CCDC102B: variants seen among roughly 807,000 people sequenced by gnomAD.
The protein encoded by CCDC102B is coiled-coil domain containing 102B.
A neutral mutation model predicts 57.4 loss-of-function variants in CCDC102B; 75 were observed. That is an observed-to-expected ratio of 1.31 (90% CI 1.08 to 1.58). The LOEUF is 1.58. CCDC102B is among the 40% of genes most tolerant of loss of function. The pLI is 0.00. For synonymous variants in CCDC102B, 206 were observed against 201.9 expected (o/e 1.02, Z -0.17); for missense variants, 636 against 582.6 (o/e 1.09, Z -0.94).
intron 4 of CCDC102B, chr18:68,859,027 C>T (rs896664538): frequency 4.2e-4 from 64 of 152,362 alleles, no homozygotes; most frequent in African/African-American, 3.9e-4. Context: ...ATTCGTGAAG[C>T]GTTCCATATT....
intron 2 of CCDC102B, among the ~76,000 whole-genome samples, chr18:68,717,410 G>A (rs576184031): frequency 6.6e-6 from 1 of 152,076 alleles, no homozygotes; most frequent in Admixed American, 6.6e-5. Context: ...TTATAGCTTA[G>A]GTGTATTGAG....
At chr18:68,926,496 A>G (rs972714829) in intron 6 of CCDC102B, among the ~76,000 whole-genome samples, 1 of 151,818 alleles carries the variant, frequency 6.6e-6, no homozygotes, top group Non-Finnish European at 1.5e-5. Flanking sequence ...AAGGTATTTT[A>G]TAGGAGGCAG....
intron 6 of CCDC102B, among the ~76,000 whole-genome samples, chr18:68,902,013 G>A (rs2040472168): frequency 6.6e-6 from 1 of 152,130 alleles, no homozygotes; most frequent in African/African-American, 2.4e-5. Flanking sequence ...AGGCTTCCAG[G>A]TGACACTGAT....
chr18:68,885,596 A>G (rs1337625390), intron 5 of CCDC102B, among the ~76,000 whole-genome samples: 1 of 152,104 alleles, frequency 6.6e-6, no homozygotes, highest in Non-Finnish European at 1.5e-5. Flanking sequence ...ATGTAGGTAA[A>G]TGTTTAAAAT....
chr18:68,840,303 A>G (rs1167187318), intron 3 of CCDC102B, among the ~76,000 whole-genome samples: 2 of 152,152 alleles, frequency 1.3e-5, no homozygotes, highest in African/African-American at 4.8e-5. Context: ...CCTGGCTTGA[A>G]TGGACTGAAA....
At chr18:68,773,272 T>G (rs545928141) in intron 2 of CCDC102B, among the ~76,000 whole-genome samples, 2 of 152,110 alleles carry the variant, frequency 1.3e-5, no homozygotes, top group East Asian at 3.9e-4. Flanking sequence ...TAAGAATGTG[T>G]CTGAGTGAAA....
chr18:69,048,804 A>T (rs2052627300), intron 7 of CCDC102B, among the ~76,000 whole-genome samples: 1 of 152,094 alleles, frequency 6.6e-6, no homozygotes, highest in South Asian at 2.1e-4. Flanking sequence ...TCACTTTAAT[A>T]ACGCTGGTAT....
chr18:68,905,383 A>T (rs1453697256), intron 6 of CCDC102B, among the ~76,000 whole-genome samples: 1 of 150,654 alleles, frequency 6.6e-6, no homozygotes, highest in Non-Finnish European at 1.5e-5. Flanking sequence ...CACTATTGTT[A>T]CAAAGATTAT....
intron 5 of CCDC102B, among the ~76,000 whole-genome samples, chr18:68,882,552 A>C (rs563925593): frequency 2.0e-5 from 3 of 152,342 alleles, no homozygotes; most frequent in Admixed American, 2.0e-4. Context: ...GTTATTGTAA[A>C]CATGTAACCA....
chr18:68,752,534 TTG>T (rs748987253), intron 2 of CCDC102B, among the ~76,000 whole-genome samples: 6 of 151,694 alleles, frequency 4.0e-5, no homozygotes, highest in Non-Finnish European at 8.8e-5. Flanking sequence ...ATCATTTTGC[TTG>T]TGTTTCATTC....
chr18:68,835,262 ACT>A (rs1432811867), intron 1 of CCDC102B, among the ~76,000 whole-genome samples: 1 of 152,038 alleles, frequency 6.6e-6, no homozygotes, highest in Non-Finnish European at 1.5e-5. Context: ...TTGGGCTAAG[ACT>A]CTGTGTAGTG....
chr18:68,960,356 A>G (rs780861008), intron 6 of CCDC102B, among the ~76,000 whole-genome samples: 60 of 131,684 alleles, frequency 4.6e-4, no homozygotes, highest in Non-Finnish European at 7.8e-4. Context: ...CTGATGCCCT[A>G]TTCTACTGTG....
intron 6 of CCDC102B, among the ~76,000 whole-genome samples, chr18:68,989,234 A>G (rs2050801056): frequency 6.6e-6 from 1 of 152,224 alleles, no homozygotes; most frequent in African/African-American, 2.4e-5. Flanking sequence ...GTCATTTAAA[A>G]TATTGGCTCC....
intron 1 of CCDC102B, among the ~76,000 whole-genome samples, chr18:68,799,982 C>T (rs1334699004): frequency 2.0e-5 from 3 of 152,100 alleles, no homozygotes; most frequent in Admixed American, 6.5e-5. Flanking sequence ...ATCTGTGCCT[C>T]TTTTCATCAT....
chr18:68,750,597 C>T (rs1210227278), intron 2 of CCDC102B, among the ~76,000 whole-genome samples: 1 of 152,062 alleles, frequency 6.6e-6, no homozygotes, highest in East Asian at 1.9e-4. Flanking sequence ...GGCACATATA[C>T]ATCATGGAAT....
chr18:68,998,667 A>G (rs764423609), intron 6 of CCDC102B, among the ~76,000 whole-genome samples: 16 of 151,826 alleles, frequency 1.1e-4, no homozygotes, highest in Non-Finnish European at 2.2e-4. Flanking sequence ...AACCACTGGT[A>G]TAGGTCCAGG....
intron 7 of CCDC102B, among the ~76,000 whole-genome samples, chr18:69,048,208 G>A (rs557562813): frequency 2.6e-5 from 4 of 150,968 alleles, no homozygotes; most frequent in South Asian, 4.2e-4. Context: ...TGCCAAATAA[G>A]TGTGTGTGTG....
chr18:68,889,972 A>G (rs906894692), intron 5 of CCDC102B, among the ~76,000 whole-genome samples: 2 of 152,186 alleles, frequency 1.3e-5, no homozygotes, highest in African/African-American at 4.8e-5. Context: ...TCGCAGCAGC[A>G]CTGACATCAA....
chr18:68,851,872 C>T (rs568075110), intron 4 of CCDC102B, among the ~76,000 whole-genome samples: 2 of 152,268 alleles, frequency 1.3e-5, no homozygotes, highest in South Asian at 4.1e-4. Context: ...GGGGAGCATT[C>T]ATTCTATGAA....
Sources: allele counts gnomAD v4.1 joint callset (sites outside exome capture counted in the v4.1 genomes callset), GRCh38; gene constraint gnomAD v4.1.1; transcripts MANE v1.5; gene names NCBI Gene and HGNC (gene_info 2026-07-23, HGNC 2026-07-21).